NALCN: variants seen among roughly 807,000 people sequenced by gnomAD.
The protein encoded by NALCN is sodium leak channel NALCN.
Under a neutral mutation model 225.3 loss-of-function variants are expected in NALCN, and 111 were observed. The ratio of observed to expected loss-of-function variants is 0.49; its 90% CI spans 0.42 to 0.58. The LOEUF (loss-of-function observed/expected upper bound fraction) is 0.58, where lower values mean the gene tolerates loss of function less well. Among genes scored for constraint, NALCN ranks in the 20% least tolerant of loss-of-function variants. The pLI, the probability that NALCN is intolerant of heterozygous loss-of-function variation, is 0.00. For missense variants in NALCN, 1,378 were observed against 2,202.4 expected, an observed-to-expected ratio of 0.63 and a Z score of 7.49; for synonymous variants, 764 against 769.0, an observed-to-expected ratio of 0.99 and a Z score of 0.11.
chr13:101,131,464 G>T (rs1026530120), intron 17 of NALCN, among the ~76,000 whole-genome samples: 3 of 151,784 alleles, frequency 2.0e-5, no homozygotes, highest in Admixed American at 2.0e-4. Context: ...TTAATATATC[G>T]ATCAAATATG....
chr13:101,201,270 TACC>T (rs1371417169), intron 13 of NALCN, among the ~76,000 whole-genome samples: 1 of 152,228 alleles, frequency 6.6e-6, no homozygotes, highest in African/African-American at 2.4e-5. Context: ...GTGCAGCCAT[TACC>T]ACTATCTAAT....
intron 13 of NALCN, among the ~76,000 whole-genome samples, chr13:101,217,528 C>T (rs927982225): frequency 2.6e-5 from 4 of 152,114 alleles, no homozygotes; most frequent in Non-Finnish European, 5.9e-5. Context: ...TCGAGCATCC[C>T]TTCTCCATCT....
intron 17 of NALCN, among the ~76,000 whole-genome samples, chr13:101,140,109 G>C (rs929573754): frequency 1.4e-4 from 22 of 152,216 alleles, no homozygotes; most frequent in African/African-American, 5.3e-4. Context: ...AACAGGAGCA[G>C]TTGTCTTGCC....
intron 7 of NALCN, among the ~76,000 whole-genome samples, chr13:101,317,346 T>C (rs1330309663): frequency 1.3e-5 from 2 of 152,244 alleles, no homozygotes; most frequent in Non-Finnish European, 2.9e-5. Context: ...AGACATCCTC[T>C]GGAAATGCTA....
chr13:101,258,267 G>C (rs2042304853), intron 11 of NALCN, among the ~76,000 whole-genome samples, 176 bp downstream of exon 11: 1 of 152,152 alleles, frequency 6.6e-6, no homozygotes, highest in Non-Finnish European at 1.5e-5. Context: ...GCGGTGACAG[G>C]AAATGAATCA....
At chr13:101,352,297 G>A (rs1742511522) in intron 6 of NALCN, among the ~76,000 whole-genome samples, 1 of 152,150 alleles carries the variant, frequency 6.6e-6, no homozygotes, top group Non-Finnish European at 1.5e-5. Flanking sequence ...ATGACTACGG[G>A]TGGCAGATGG....
At chr13:101,352,890 T>C (rs1172783425) in intron 6 of NALCN, among the ~76,000 whole-genome samples, 2 of 152,202 alleles carry the variant, frequency 1.3e-5, no homozygotes, top group Non-Finnish European at 2.9e-5. Context: ...ATTTGACCCA[T>C]TTGTTGTAAA....
intron 13 of NALCN, among the ~76,000 whole-genome samples, chr13:101,192,400 T>C (rs1464873793): frequency 6.6e-6 from 1 of 152,186 alleles, no homozygotes; most frequent in Non-Finnish European, 1.5e-5. Flanking sequence ...ACAGATTACT[T>C]TTTCTTTGTT....
intron 12 of NALCN, among the ~76,000 whole-genome samples, chr13:101,230,108 A>G (rs184985736): frequency 6.6e-6 from 1 of 152,220 alleles, no homozygotes; most frequent in African/African-American, 2.4e-5. Flanking sequence ...TTTATAAAAC[A>G]TAAACAATTT....
At chr13:101,397,815 G>A (rs1263437933) in intron 2 of NALCN, among the ~76,000 whole-genome samples, 2 of 151,996 alleles carry the variant, frequency 1.3e-5, no homozygotes, top group Admixed American at 1.3e-4. Context: ...ATATAAAACA[G>A]GCTAAGTGGA....
chr13:101,283,760 TAA>T lies in NALCN; in HGVS notation c.1134+171_1134+172del, dbSNP rs200513039. On this transcript the variant is annotated intron_variant, in intron 10 of 43. Coordinates refer to ENST00000251127, the MANE Select transcript of NALCN (RefSeq NM_052867.4). The stretch of plus-strand genomic sequence containing the variant: ...CTTATCAAATCCCTATTGTGTATGT[TAA>T]AAAAAAAAAAGCTAGGTCCTGGGAA... 4.5e-3 allele frequency among the ~76,000 whole-genome samples: 649 copies of T among 143,350 alleles called. 4 individuals carry two copies. The highest frequency in any genetic ancestry group is 0.016 in the African/African-American group (624 of 39,110). 94.0% of individuals were successfully genotyped at this position (143,350 alleles called of 152,430 possible).
intron 6 of NALCN, among the ~76,000 whole-genome samples, chr13:101,347,455 C>T (rs2045777049): frequency 6.6e-6 from 1 of 152,166 alleles, no homozygotes; most frequent in South Asian, 2.1e-4. Flanking sequence ...TAGACAGACA[C>T]ATCGTGTATA....
chr13:101,271,556 A>T (rs1403399185), intron 10 of NALCN, among the ~76,000 whole-genome samples: 1 of 151,962 alleles, frequency 6.6e-6, no homozygotes, highest in East Asian at 1.9e-4. Context: ...TCCTCCAAGC[A>T]GTTGTTTTAT....
chr13:101,060,302 A>T (rs1455365289), intron 41 of NALCN, among the ~76,000 whole-genome samples: 2 of 46,596 alleles, frequency 4.3e-5, no homozygotes, highest in Non-Finnish European at 4.7e-5. Context: ...TTTAGATAGG[A>T]TCTCACTATG....
chr13:101,121,518 C>G (rs1193503274), intron 18 of NALCN, among the ~76,000 whole-genome samples: 2 of 152,078 alleles, frequency 1.3e-5, no homozygotes, highest in East Asian at 3.9e-4. Context: ...TTCAAGCCTC[C>G]CTATACTGCT....
Position 101,053,923 on chromosome 13 carries a change from C to G in NALCN, c.*1372G>C, listed in dbSNP as rs1223378354. On this transcript the variant is annotated 3_prime_UTR_variant, in exon 44 of 44. Coordinates refer to ENST00000251127, the MANE Select transcript of NALCN (RefSeq NM_052867.4). ...ATGAATCATATAAACTGTAGACTGC[C>G]ACTACCACGATACTTCTGTGACACA... 6.6e-6 allele frequency: 1 copy of G among 152,074 alleles called. No individual in the cohort carries two copies. The highest frequency in any genetic ancestry group is 1.5e-5 in the Non-Finnish European group (1 of 68,012). 9.4% of individuals were successfully genotyped at this position (152,074 alleles called of 1,614,324 possible).
At chr13:101,322,629 T>C (rs888943655) in intron 7 of NALCN, among the ~76,000 whole-genome samples, 1 of 152,254 alleles carries the variant, frequency 6.6e-6, no homozygotes, top group Non-Finnish European at 1.5e-5. Context: ...CTCTATCATT[T>C]GTGATTTAAA....
At chr13:101,190,281 T>C (rs958040572) in intron 14 of NALCN, among the ~76,000 whole-genome samples, 1 of 152,232 alleles carries the variant, frequency 6.6e-6, no homozygotes, top group Admixed American at 6.5e-5. Flanking sequence ...CAATGAAATC[T>C]ATCCTGCATT....
intron 10 of NALCN, among the ~76,000 whole-genome samples, chr13:101,278,487 G>A (rs1395262507): frequency 1.5e-5 from 2 of 132,374 alleles, no homozygotes; most frequent in Non-Finnish European, 3.1e-5. Flanking sequence ...TGTGCCACTG[G>A]ATTCCAGCCT....
Sources: allele counts gnomAD v4.1 joint callset (sites outside exome capture counted in the v4.1 genomes callset), GRCh38; gene constraint gnomAD v4.1.1; transcripts MANE v1.5; gene names NCBI Gene and HGNC (gene_info 2026-07-23, HGNC 2026-07-21).